NRXN1: variants seen among roughly 807,000 people sequenced by gnomAD.
NRXN1 encodes the protein neurexin-1.
In NRXN1, 39 loss-of-function variants were observed where a neutral mutation model predicts 150.9. The observed-to-expected ratio is 0.26, with a 90% CI of 0.20 to 0.34. NRXN1 has a LOEUF of 0.34. NRXN1 is among the 10% of genes least tolerant of loss of function. NRXN1 has a pLI of 1.00. For missense variants in NRXN1, 1,815 were observed against 1,949.9 expected, an observed-to-expected ratio of 0.93 and a Z score of 1.30; for synonymous variants, 924 against 757.0, an observed-to-expected ratio of 1.22 and a Z score of -3.62.
At position 50,524,973 on chromosome 2, in the gene NRXN1, T is replaced by C. The variant is rs563676179; in HGVS notation, c.2374+3652A>G. On this transcript the variant is annotated intron_variant, in intron 12 of 22. Transcript: ENST00000401669. ...TGAGACCATCATTATAACTCTGAGATTGACATTAGGCTATGTGCTTTGGCA... is the reference window on the plus strand; with the variant it reads ...TGAGACCATCATTATAACTCTGAGACTGACATTAGGCTATGTGCTTTGGCA... Among the ~76,000 whole-genome samples, 5 of 152,280 alleles carry C rather than the reference T, an allele frequency of 3.3e-5. No homozygotes were observed. In the South Asian group the frequency reaches 6.2e-4, roughly 19 times the overall value.
At chr2:50,009,798 T>C (rs557002993) in intron 21 of NRXN1, among the ~76,000 whole-genome samples, 2 of 152,270 alleles carry the variant, frequency 1.3e-5, no homozygotes, top group African/African-American at 2.4e-5. Flanking sequence ...AATAAGATCA[T>C]TGCAGTGCTT....
intron 17 of NRXN1, among the ~76,000 whole-genome samples, chr2:50,431,815 C>T (rs2084987633): frequency 6.6e-6 from 1 of 151,944 alleles, no homozygotes. Flanking sequence ...TTGACTTTTG[C>T]ACAAGATGGT....
At chr2:50,022,031 A>T (rs1371238955) in intron 21 of NRXN1, among the ~76,000 whole-genome samples, 1 of 151,810 alleles carries the variant, frequency 6.6e-6, no homozygotes, top group Non-Finnish European at 1.5e-5. Flanking sequence ...TGGTATTTTT[A>T]GTAGAGACGA....
In NRXN1 at chr2:50,538,662, AG is replaced by A. The variant is rs1272807711; in HGVS notation, c.1760-27del. On this transcript the variant is annotated intron_variant, in intron 9 of 22. Transcript: ENST00000401669. The stretch of plus-strand genomic sequence containing the variant: ...CTATTTCAAAGAGAGGAGAATGCAC[AG>A]GTCTTTAAAAAGCACCAACGTGTTA... 2.8e-6 allele frequency: 4 copies of A among 1,435,892 alleles called. No homozygotes were observed. The South Asian group carries it at 7.4e-5, about 27-fold the overall frequency. 88.9% of individuals were successfully genotyped at this position (1,435,892 alleles called of 1,614,324 possible). A position where few individuals can be genotyped will look rare whatever the true frequency, so the allele number is the denominator to read the frequency against.
At chr2:50,058,747 T>C (rs1694034078) in intron 19 of NRXN1, among the ~76,000 whole-genome samples, 1 of 152,140 alleles carries the variant, frequency 6.6e-6, no homozygotes, top group African/African-American at 2.4e-5. Context: ...TCCCATGCTG[T>C]TCTCATGAGA....
chr2:50,867,317 C>T (rs925746709), intron 5 of NRXN1, among the ~76,000 whole-genome samples: 1 of 151,834 alleles, frequency 6.6e-6, no homozygotes, highest in African/African-American at 2.4e-5. Context: ...CTATTTAAAC[C>T]ACCTGCTTTG....
chr2:50,008,198 T>C (rs1175630934), intron 21 of NRXN1, among the ~76,000 whole-genome samples: 1 of 152,164 alleles, frequency 6.6e-6, no homozygotes, highest in Non-Finnish European at 1.5e-5. Context: ...TACATGGTTT[T>C]CCAAGTGACT....
intron 17 of NRXN1, among the ~76,000 whole-genome samples, chr2:50,257,451 T>C (rs576380396): frequency 2.6e-5 from 4 of 152,064 alleles, no homozygotes; most frequent in Non-Finnish European, 4.4e-5. Flanking sequence ...TTAGAAAACT[T>C]TTAAATACTT....
intron 2 of NRXN1, among the ~76,000 whole-genome samples, chr2:50,990,042 G>C (rs944606582): frequency 3.3e-5 from 5 of 151,944 alleles, no homozygotes; most frequent in Admixed American, 2.0e-4. Flanking sequence ...GTAGCTCATT[G>C]TGACTTTAAT....
At chr2:51,008,981 T>G (rs555953313) in intron 2 of NRXN1, among the ~76,000 whole-genome samples, 1 of 151,806 alleles carries the variant, frequency 6.6e-6, no homozygotes, top group Admixed American at 6.6e-5. Flanking sequence ...GAAAACAAAG[T>G]ATAACTAATT....
At chr2:50,556,438 A>G (rs1294741855) in intron 8 of NRXN1, among the ~76,000 whole-genome samples, 3 of 151,778 alleles carry the variant, frequency 2.0e-5, no homozygotes, top group Non-Finnish European at 2.9e-5. Flanking sequence ...CATCATAACA[A>G]TTGATGATAT....
In NRXN1 at chr2:50,468,333, C is replaced by T. The variant is rs139038605; in HGVS notation, c.3245-2772G>A. 4.8e-3 allele frequency among the ~76,000 whole-genome samples: 735 copies of T among 151,668 alleles called. 6 individuals carry two copies. The highest frequency in any genetic ancestry group is 0.016 in the African/African-American group (679 of 41,450). Reference sequence around the variant, plus strand: ...CCAAGCTTCTATGTAAGCATACAGACGTGCTGTATTTTATTTTCATTATCA... The same window carrying T: ...CCAAGCTTCTATGTAAGCATACAGATGTGCTGTATTTTATTTTCATTATCA... On this transcript the variant is annotated intron_variant, in intron 16 of 22. Coordinates refer to ENST00000401669, the MANE Select transcript of NRXN1 (RefSeq NM_001330078.2).
intron 22 of NRXN1, among the ~76,000 whole-genome samples, chr2:49,937,707 A>G (rs1035019112): frequency 2.0e-5 from 3 of 152,186 alleles, no homozygotes; most frequent in Non-Finnish European, 4.4e-5. Context: ...TGGAACACTC[A>G]TTGCTACTGT....
intron 6 of NRXN1, 150 bp downstream of exon 6, chr2:50,623,164 T>C (rs1680347942): frequency 1.6e-6 from 1 of 622,216 alleles, no homozygotes; most frequent in Non-Finnish European, 2.8e-6. Flanking sequence ...TGCTCAAGTA[T>C]GGCAGGAAGA....
chr2:50,206,717 A>C (rs980868129), intron 18 of NRXN1, among the ~76,000 whole-genome samples: 1 of 151,972 alleles, frequency 6.6e-6, no homozygotes, highest in Non-Finnish European at 1.5e-5. Flanking sequence ...TCTACTATTG[A>C]AGTAATGTTT....
intron 8 of NRXN1, among the ~76,000 whole-genome samples, chr2:50,574,988 C>T (rs1671186612): frequency 6.6e-6 from 1 of 152,198 alleles, no homozygotes. Context: ...TCAGAGCATA[C>T]TCACTGGGAT....
chr2:50,574,666 G>A (rs1332030916), intron 8 of NRXN1, among the ~76,000 whole-genome samples: 1 of 152,136 alleles, frequency 6.6e-6, no homozygotes, highest in African/African-American at 2.4e-5. Flanking sequence ...AGAGAAGTGT[G>A]GCTTCCAAAA....
chr2:50,259,511 T>G (rs1181579913), intron 17 of NRXN1, among the ~76,000 whole-genome samples: 1 of 151,920 alleles, frequency 6.6e-6, no homozygotes. Flanking sequence ...GGAAGACTTT[T>G]TTTTAGTATC....
chr2:50,372,497 G>C (rs2080101099), intron 17 of NRXN1, among the ~76,000 whole-genome samples: 1 of 152,024 alleles, frequency 6.6e-6, no homozygotes, highest in Non-Finnish European at 1.5e-5. Context: ...TTCCAAAAGA[G>C]AAACATTAAG....
Sources: gnomAD v4.1 joint callset for allele counts (sites outside exome capture counted in the v4.1 genomes callset) on GRCh38, gnomAD v4.1.1 for gene constraint, MANE v1.5 for transcripts, NCBI Gene and HGNC (gene_info 2026-07-23, HGNC 2026-07-21) for gene names.